MBTPS1: variants seen among roughly 807,000 people sequenced by gnomAD.
The protein encoded by MBTPS1 is membrane-bound transcription factor site-1 protease.
In MBTPS1, 94 loss-of-function variants were observed where a neutral mutation model predicts 127.8. The ratio of observed to expected loss-of-function variants is 0.74; its 90% CI spans 0.62 to 0.87. The LOEUF is 0.87. Ranked by LOEUF, MBTPS1 falls within the 40% of genes least tolerant of loss-of-function variation. MBTPS1 has a pLI of 0.00. For synonymous variants in MBTPS1, 632 were observed against 509.4 expected (o/e 1.24, Z -3.24); for missense variants, 1,636 against 1,353.2 (o/e 1.21, Z -3.28).
intron 6 of MBTPS1, among the ~76,000 whole-genome samples, chr16:84,092,879 G>A (rs767500523): frequency 6.6e-6 from 1 of 152,160 alleles, no homozygotes; most frequent in Non-Finnish European, 1.5e-5. Flanking sequence ...GCAGACAACC[G>A]ACCCAGGGTA....
intron 13 of MBTPS1, 35 bp downstream of exon 13, chr16:84,070,552 GC>G (rs752653320): frequency 6.2e-7 from 1 of 1,602,168 alleles, no homozygotes; most frequent in Non-Finnish European, 8.5e-7. Flanking sequence ...ATGTCAAACA[GC>G]TAAGAAAACA....
rs1212423488 is a variant in MBTPS1 at position 84,116,831 on chromosome 16, C to T, written c.-421G>A. 2.6e-5 allele frequency: 4 copies of T among 152,260 alleles called. No homozygotes were observed. The highest frequency in any genetic ancestry group is 9.6e-5 in the African/African-American group (4 of 41,460). The allele number at this position is 152,260 out of a possible 1,614,324, so 9.4% of individuals were successfully genotyped here. On this transcript the variant is annotated 5_prime_UTR_variant, in exon 1 of 23. Transcript: ENST00000343411. Reference sequence around the variant, plus strand: ...TCCATTCGGGGCTGTTTACTCCCAACTCTCGCGAGACTGGGCGACCGGGCC... The same window carrying T: ...TCCATTCGGGGCTGTTTACTCCCAATTCTCGCGAGACTGGGCGACCGGGCC...
intron 8 of MBTPS1, 21 bp downstream of exon 8, chr16:84,090,854 A>G: frequency 6.3e-7 from 1 of 1,587,664 alleles, no homozygotes; most frequent in Non-Finnish European, 8.6e-7. Flanking sequence ...CCCCGAGGTC[A>G]TCCCTGCTGG....
intron 21 of MBTPS1, among the ~76,000 whole-genome samples, chr16:84,058,905 C>T (rs552544934): frequency 6.6e-6 from 1 of 152,182 alleles, no homozygotes; most frequent in East Asian, 1.9e-4. Flanking sequence ...GCTGCAACCG[C>T]GGCCCCCGGG....
chr16:84,071,016 G>A (rs1367096434), intron 12 of MBTPS1, among the ~76,000 whole-genome samples: 1 of 152,152 alleles, frequency 6.6e-6, no homozygotes, highest in African/African-American at 2.4e-5. Flanking sequence ...CAATTTTATG[G>A]AGACATTTTT....
intron 6 of MBTPS1, among the ~76,000 whole-genome samples, chr16:84,092,269 C>T (rs2086120459): frequency 6.6e-6 from 1 of 152,310 alleles, no homozygotes; most frequent in South Asian, 2.1e-4. Context: ...GACTGAAGGA[C>T]AAATGGCAGC....
chr16:84,079,571 G>A (rs1438997850), intron 11 of MBTPS1, among the ~76,000 whole-genome samples: 2 of 152,152 alleles, frequency 1.3e-5, no homozygotes, highest in African/African-American at 4.8e-5. Flanking sequence ...CAAGGACATG[G>A]GCTAGCAGTT....
chr16:84,091,037 A>C (rs2086098618), intron 7 of MBTPS1, 95 bp from the exon 8 acceptor site: 2 of 956,050 alleles, frequency 2.1e-6, no homozygotes, highest in East Asian at 4.8e-5. Flanking sequence ...GTCTAAAAAC[A>C]GTTCTAAAAA....
At chr16:84,103,235 T>C (rs768829548) in intron 1 of MBTPS1, among the ~76,000 whole-genome samples, 3 of 151,516 alleles carry the variant, frequency 2.0e-5, no homozygotes, top group African/African-American at 2.4e-5. Flanking sequence ...CAGTGCTACT[T>C]AGGATTTTAT....
chr16:84,074,322 C>A (rs1030212792), intron 12 of MBTPS1, among the ~76,000 whole-genome samples: 1 of 151,884 alleles, frequency 6.6e-6, no homozygotes, highest in African/African-American at 2.4e-5. Context: ...GCAGCCTCAA[C>A]CTCCTAGACT....
At chr16:84,104,168 G>A (rs2086293422) in intron 1 of MBTPS1, among the ~76,000 whole-genome samples, 1 of 152,158 alleles carries the variant, frequency 6.6e-6, no homozygotes, top group South Asian at 2.1e-4. Context: ...TCATATCACA[G>A]TAAATGAATA....
Position 84,065,762 on chromosome 16 carries a change from A to T in MBTPS1, c.2359T>A (p.Tyr787Asn). ...EFTLANHDMY[Y>N]ASGCSIAKFP... is the part of the protein sequence containing the mutation. ...TTCGCGATGCTGCACCCTGACGCAT[A>T]ATACACTAGGAAAGAGTGTTCAAAG... The change falls in exon 18 of 23, where the codon TAT becomes AAT. Residue 787 changes from tyrosine to asparagine, a missense_variant. Transcript: ENST00000343411. The T allele has an allele frequency of 6.3e-7, 1 of 1,596,386 alleles. No homozygotes were observed. The highest frequency in any genetic ancestry group is 8.5e-7 in the Non-Finnish European group (1 of 1,172,794).
At chr16:84,070,485 T>A (rs1220787101) in intron 13 of MBTPS1, 103 bp downstream of exon 13, 2 of 1,176,890 alleles carry the variant, frequency 1.7e-6, no homozygotes, top group Middle Eastern at 2.9e-4. Context: ...AGCCTATCTG[T>A]CAACTGTACT....
intron 1 of MBTPS1, among the ~76,000 whole-genome samples, chr16:84,103,308 G>A (rs2086282852): frequency 6.6e-6 from 1 of 150,712 alleles, no homozygotes; most frequent in African/African-American, 2.4e-5. Context: ...AGGCTGGAGT[G>A]GGTGGCGCAA....
chr16:84,073,921 G>A (rs914184390), intron 12 of MBTPS1, among the ~76,000 whole-genome samples: 7 of 152,102 alleles, frequency 4.6e-5, no homozygotes, highest in South Asian at 2.1e-4. Context: ...CAGTAGAATC[G>A]CTTGAACCTG....
intron 12 of MBTPS1, among the ~76,000 whole-genome samples, chr16:84,071,633 T>C (rs934498000): frequency 1.3e-5 from 2 of 152,116 alleles, no homozygotes; most frequent in Non-Finnish European, 2.9e-5. Flanking sequence ...TACATAAAAA[T>C]TAGTAGAAAA....
In MBTPS1 at chr16:84,095,825, A is replaced by G; in HGVS notation, c.422-20T>C. 6.2e-7 allele frequency: 1 copy of G among 1,605,642 alleles called. No homozygotes were observed. ...GGTCAGCTACAGGCAAGGGAGAGAA[A>G]GATCAGAACAGAAGAGCAAAACGAA... On this transcript the variant is annotated intron_variant, in intron 3 of 22. Coordinates refer to ENST00000343411, the MANE Select transcript of MBTPS1 (RefSeq NM_003791.4).
rs1441009280 is a variant in MBTPS1 at position 84,099,399 on chromosome 16, AG to A, written c.164-90del. ...TGTATCTAATCTAAAATCTGGCAAA[AG>A]AAAAATTATCTTAAAGCCCACAGCA... On this transcript the variant is annotated intron_variant, in intron 2 of 22. Coordinates refer to ENST00000343411, the MANE Select transcript of MBTPS1 (RefSeq NM_003791.4). The A allele has an allele frequency of 4.7e-5, 64 of 1,359,160 alleles. 1 individual carries two copies. The South Asian group carries it at 8.7e-4, about 18-fold the overall frequency. The allele number at this position is 1,359,160 out of a possible 1,614,324, so 84.2% of individuals were successfully genotyped here. A position where few individuals can be genotyped will look rare whatever the true frequency, so the allele number is the denominator to read the frequency against.
At chr16:84,062,563 C>T (rs1026649162) in intron 19 of MBTPS1, among the ~76,000 whole-genome samples, 3 of 152,340 alleles carry the variant, frequency 2.0e-5, no homozygotes, top group South Asian at 2.1e-4. Context: ...ACTCACCACC[C>T]GCCCTGTGCC....
Sources: allele counts gnomAD v4.1 joint callset (sites outside exome capture counted in the v4.1 genomes callset), GRCh38; gene constraint gnomAD v4.1.1; transcripts MANE v1.5; gene names NCBI Gene and HGNC (gene_info 2026-07-23, HGNC 2026-07-21).